Variants in PLXDC2 observed in about 807,000 individuals in gnomAD.
PLXDC2 encodes plexin domain-containing protein 2.
In PLXDC2, 40 loss-of-function variants were observed where a neutral mutation model predicts 68.9. The observed-to-expected ratio is 0.58, with a 90% confidence interval of 0.45 to 0.76. PLXDC2 has a LOEUF of 0.76. Among genes scored for constraint, PLXDC2 ranks in the 30% least tolerant of loss-of-function variants. PLXDC2 has a pLI of 0.00. For missense variants in PLXDC2, 644 were observed against 661.9 expected, an observed-to-expected ratio of 0.97 and a Z score of 0.30; for synonymous variants, 243 against 234.2, an observed-to-expected ratio of 1.04 and a Z score of -0.34.
chr10:20,275,460 A>T (rs1835994006), intron 13 of PLXDC2, among the ~76,000 whole-genome samples: 1 of 152,180 alleles, frequency 6.6e-6, no homozygotes, highest in African/African-American at 2.4e-5. Context: ...CATGTTTTAG[A>T]AAGTATAGGA....
chr10:20,001,858 A>G lies in PLXDC2; in HGVS notation c.196A>G (p.Lys66Glu). ...VDSHAYSHRW[K>E]RNLDFLKAVD... ...TTCACACGCGTACAGCCACAGGTGG[A>G]AAAGAAACTTGGACTTTCTCAAGGC... Residue 66 changes from lysine to glutamate, a missense_variant, in exon 2 of 14, where the codon AAA becomes GAA. By Grantham distance (56) the Lys-to-Glu change is moderately conservative. Coordinates refer to ENST00000377252, the MANE Select transcript of PLXDC2 (RefSeq NM_032812.9). 6.2e-7 allele frequency: 1 copy of G among 1,614,076 alleles called. No individual in the cohort carries two copies. The highest frequency in any genetic ancestry group is 8.5e-7 in the Non-Finnish European group (1 of 1,179,994).
At chr10:20,138,316 T>C (rs1263082022) in intron 4 of PLXDC2, among the ~76,000 whole-genome samples, 1 of 152,168 alleles carries the variant, frequency 6.6e-6, no homozygotes, top group East Asian at 1.9e-4. Context: ...GGTGGCAATT[T>C]TAACTTGTTT....
At chr10:19,819,724 T>C (rs1836428642) in intron 1 of PLXDC2, among the ~76,000 whole-genome samples, 1 of 152,256 alleles carries the variant, frequency 6.6e-6, no homozygotes, top group African/African-American at 2.4e-5. Context: ...TTTACACTTA[T>C]TTTAGTTGTT....
Position 20,283,317 on chromosome 10 carries a change from G to T in PLXDC2, c.*3498G>T, listed in dbSNP as rs574902608. On this transcript the variant is annotated 3_prime_UTR_variant, in exon 14 of 14. Coordinates refer to ENST00000377252, the MANE Select transcript of PLXDC2 (RefSeq NM_032812.9). Reference sequence around the variant, plus strand: ...ATTTTGGAAAAGAAAAACAATTTTTGTCCTGTCTTTCTTGCAAGATTATTA... The same window carrying T: ...ATTTTGGAAAAGAAAAACAATTTTTTTCCTGTCTTTCTTGCAAGATTATTA... 2.0e-5 allele frequency: 3 copies of T among 152,246 alleles called. No individual in the cohort carries two copies. The highest frequency in any genetic ancestry group is 1.9e-4 in the East Asian group (1 of 5,180). 9.4% of individuals were successfully genotyped at this position (152,246 alleles called of 1,614,324 possible).
chr10:19,838,771 G>A (rs751800606), intron 1 of PLXDC2, among the ~76,000 whole-genome samples: 5 of 152,198 alleles, frequency 3.3e-5, no homozygotes, highest in Non-Finnish European at 7.3e-5. Context: ...TTTTAACAAT[G>A]TGCTGGTTGA....
chr10:20,206,786 C>A (rs1564353207), intron 9 of PLXDC2, among the ~76,000 whole-genome samples: 1 of 151,862 alleles, frequency 6.6e-6, no homozygotes, highest in Non-Finnish European at 1.5e-5. Flanking sequence ...TTGTGAATCA[C>A]CGTTAAAAAT....
chr10:20,158,199 T>C (rs1410569280), intron 6 of PLXDC2, among the ~76,000 whole-genome samples: 1 of 152,138 alleles, frequency 6.6e-6, no homozygotes, highest in Non-Finnish European at 1.5e-5. Context: ...GAAAATCGCT[T>C]CCTGTAATCA....
chr10:20,205,261 T>C (rs1056593306), intron 9 of PLXDC2, among the ~76,000 whole-genome samples: 4 of 152,090 alleles, frequency 2.6e-5, no homozygotes, highest in Admixed American at 6.6e-5. Flanking sequence ...ACCATTGAAA[T>C]TGAATGGAAA....
intron 2 of PLXDC2, among the ~76,000 whole-genome samples, chr10:20,029,328 C>A (rs1212511310): frequency 6.6e-6 from 1 of 151,990 alleles, no homozygotes; most frequent in Non-Finnish European, 1.5e-5. Context: ...ACCTACTTGC[C>A]CTTCATACCT....
At chr10:19,837,455 TTGG>T (rs1334841219) in intron 1 of PLXDC2, among the ~76,000 whole-genome samples, 4 of 149,672 alleles carry the variant, frequency 2.7e-5, no homozygotes, top group Middle Eastern at 3.4e-3. Flanking sequence ...TATGTGTGTG[TTGG>T]TGGGCAGGCA....
At chr10:19,829,154 C>CTTTTTTTT (rs71388870) in intron 1 of PLXDC2, among the ~76,000 whole-genome samples, 32 of 94,418 alleles carry the variant, frequency 3.4e-4, no homozygotes, top group South Asian at 1.2e-3. Context: ...ACGCTTTCCT[C>CTTTTTTTT]TTTTTTTTTT....
chr10:20,087,525 G>A (rs534110284), intron 4 of PLXDC2, among the ~76,000 whole-genome samples: 27 of 152,150 alleles, frequency 1.8e-4, no homozygotes, highest in Non-Finnish European at 3.2e-4. Flanking sequence ...TATTTCTTGA[G>A]CTACATATGT....
chr10:19,967,843 T>A (rs560950696), intron 1 of PLXDC2, among the ~76,000 whole-genome samples: 1 of 152,204 alleles, frequency 6.6e-6, no homozygotes, highest in South Asian at 2.1e-4. Context: ...AAATCAAAGA[T>A]GCATCCTAAT....
intron 1 of PLXDC2, among the ~76,000 whole-genome samples, chr10:19,962,657 T>G (rs1834178414): frequency 6.9e-6 from 1 of 144,554 alleles, no homozygotes; most frequent in Non-Finnish European, 1.5e-5. Context: ...CCCGAAGTGC[T>G]GGGATTAGGG....
intron 1 of PLXDC2, among the ~76,000 whole-genome samples, chr10:19,949,123 C>CAAAAAAAA (rs60138814): frequency 2.9e-4 from 24 of 82,904 alleles, no homozygotes; most frequent in African/African-American, 6.2e-4. Context: ...GAGACTTTGT[C>CAAAAAAAA]AAAAAAAAAA....
intron 9 of PLXDC2, among the ~76,000 whole-genome samples, chr10:20,182,618 T>C (rs997136694): frequency 6.6e-6 from 1 of 152,004 alleles, no homozygotes; most frequent in African/African-American, 2.4e-5. Context: ...GGGTGGTAAA[T>C]AAGTAACTTT....
chr10:19,935,112 T>G (rs192129615), intron 1 of PLXDC2, among the ~76,000 whole-genome samples: 4 of 152,320 alleles, frequency 2.6e-5, no homozygotes, highest in African/African-American at 9.6e-5. Context: ...TGTGGGGGCT[T>G]TTAGCCTCTT....
chr10:20,081,279 G>C (rs1203316185), intron 4 of PLXDC2, among the ~76,000 whole-genome samples: 1 of 152,090 alleles, frequency 6.6e-6, no homozygotes, highest in East Asian at 1.9e-4. Context: ...GCTATATCCA[G>C]GGAGGGGAAT....
chr10:20,077,103 G>T (rs1168410245), intron 4 of PLXDC2, among the ~76,000 whole-genome samples: 2 of 149,438 alleles, frequency 1.3e-5, no homozygotes, highest in African/African-American at 5.1e-5. Flanking sequence ...GATAATCAAG[G>T]GTAAGATGAC....
Sources: allele counts gnomAD v4.1 joint callset (sites outside exome capture counted in the v4.1 genomes callset), GRCh38; gene constraint gnomAD v4.1.1; transcripts MANE v1.5; gene names NCBI Gene and HGNC (gene_info 2026-07-23, HGNC 2026-07-21).